ZFPM2: variants seen among roughly 807,000 people sequenced by gnomAD.
ZFPM2 encodes the protein zinc finger protein, FOG family member 2.
In ZFPM2, 20 loss-of-function variants were observed where a neutral mutation model predicts 98.6. The ratio of observed to expected loss-of-function variants is 0.20; its 90% CI spans 0.14 to 0.29. The LOEUF (loss-of-function observed/expected upper bound fraction) is 0.29, where lower values mean the gene tolerates loss of function less well. Among genes scored for constraint, ZFPM2 ranks in the 10% least tolerant of loss-of-function variants. The pLI, the probability that ZFPM2 is intolerant of heterozygous loss-of-function variation, is 1.00. For missense variants in ZFPM2, 1,310 were observed against 1,388.6 expected, an observed-to-expected ratio of 0.94 and a Z score of 0.90; for synonymous variants, 518 against 502.7, an observed-to-expected ratio of 1.03 and a Z score of -0.41.
chr8:105,673,779 C>T (rs1251850258), intron 5 of ZFPM2, among the ~76,000 whole-genome samples: 1 of 152,116 alleles, frequency 6.6e-6, no homozygotes, highest in African/African-American at 2.4e-5. Flanking sequence ...CTTTCTGAGC[C>T]TTATTCTATT....
chr8:105,784,625 A>G (rs1420012341), intron 5 of ZFPM2, among the ~76,000 whole-genome samples: 1 of 145,784 alleles, frequency 6.9e-6, no homozygotes, highest in African/African-American at 2.8e-5. Context: ...AAGCTTTCAC[A>G]TATATTAGCT....
chr8:105,419,059 T>C (rs758431105), intron 1 of ZFPM2, 85 bp from the exon 2 acceptor site: 4 of 1,343,208 alleles, frequency 3.0e-6, no homozygotes, highest in Non-Finnish European at 4.1e-6. Context: ...CTCACCACTG[T>C]AACAAAAAAA....
At chr8:105,410,182 A>C (rs2130031284) in intron 1 of ZFPM2, among the ~76,000 whole-genome samples, 1 of 152,010 alleles carries the variant, frequency 6.6e-6, no homozygotes, top group East Asian at 1.9e-4. Flanking sequence ...CTAAAACCCG[A>C]TGCTAAATTT....
At chr8:105,490,601 T>C (rs1409769476) in intron 3 of ZFPM2, among the ~76,000 whole-genome samples, 1 of 152,336 alleles carries the variant, frequency 6.6e-6, no homozygotes, top group South Asian at 2.1e-4. Flanking sequence ...ACAAGTGATA[T>C]TGAGCTAATT....
At chr8:105,423,304 A>G (rs954031649) in intron 2 of ZFPM2, among the ~76,000 whole-genome samples, 4 of 152,118 alleles carry the variant, frequency 2.6e-5, no homozygotes, top group African/African-American at 9.7e-5. Flanking sequence ...GGCATTTCCT[A>G]TGTCTCTTTT....
At chr8:105,455,198 G>T (rs866706662) in intron 3 of ZFPM2, among the ~76,000 whole-genome samples, 5 of 152,092 alleles carry the variant, frequency 3.3e-5, no homozygotes, top group South Asian at 2.1e-4. Context: ...AATATTTCCA[G>T]TTCCAAGCAT....
chr8:105,349,016 AGTTCCAAAGAACT>A (rs1812592729), intron 1 of ZFPM2, among the ~76,000 whole-genome samples: 2 of 152,162 alleles, frequency 1.3e-5, no homozygotes, highest in Admixed American at 1.3e-4. Context: ...TATCTTCTTC[AGTTCCAAAGAACT>A]GTTGTGGGGT....
At chr8:105,670,874 A>G (rs559056796) in intron 5 of ZFPM2, among the ~76,000 whole-genome samples, 2 of 152,314 alleles carry the variant, frequency 1.3e-5, no homozygotes, top group East Asian at 3.9e-4. Context: ...ATTTCAGTTG[A>G]TAAACTCAGT....
At chr8:105,493,295 G>T (rs1256900894) in intron 3 of ZFPM2, among the ~76,000 whole-genome samples, 1 of 152,172 alleles carries the variant, frequency 6.6e-6, no homozygotes, top group East Asian at 1.9e-4. Context: ...AAAGAAAAAT[G>T]ATTCTTGGAG....
chr8:105,691,452 G>A (rs1319434471), intron 5 of ZFPM2, among the ~76,000 whole-genome samples: 1 of 124,420 alleles, frequency 8.0e-6, no homozygotes, highest in Non-Finnish European at 1.7e-5. Flanking sequence ...GTTTCACCTT[G>A]TTAGCCAGGA....
chr8:105,428,840 A>T (rs1043039975), intron 2 of ZFPM2, among the ~76,000 whole-genome samples: 1 of 152,190 alleles, frequency 6.6e-6, no homozygotes, highest in Non-Finnish European at 1.5e-5. Context: ...TAAGAGTGGA[A>T]GTGAGATAAA....
At chr8:105,688,862 C>G (rs1199440464) in intron 5 of ZFPM2, among the ~76,000 whole-genome samples, 2 of 152,104 alleles carry the variant, frequency 1.3e-5, no homozygotes, top group Non-Finnish European at 1.5e-5. Context: ...ATAAATTACT[C>G]AGAAATATTG....
chr8:105,745,110 G>A (rs915910841), intron 5 of ZFPM2, among the ~76,000 whole-genome samples: 2 of 152,082 alleles, frequency 1.3e-5, no homozygotes, highest in Admixed American at 6.6e-5. Context: ...CTTTTAATGT[G>A]TCTTTATACC....
intron 1 of ZFPM2, among the ~76,000 whole-genome samples, chr8:105,390,223 T>C (rs1232491472): frequency 6.6e-6 from 1 of 152,208 alleles, no homozygotes; most frequent in African/African-American, 2.4e-5. Flanking sequence ...CACTTCTGAC[T>C]AACAGGCTAC....
At chr8:105,451,863 T>A (rs1812491243) in intron 3 of ZFPM2, 1 of 152,194 alleles carries the variant, frequency 6.6e-6, no homozygotes, top group African/African-American at 2.4e-5. Context: ...GCATACTTTT[T>A]ACTATAATTT....
chr8:105,802,458 A>G lies in ZFPM2; in HGVS notation c.2376A>G (p.Pro792=). ...ACCACCCAAGATGTGATATCTTTCC[A>G]GGAATTGTCTCTAAACACTTGGAAA... is the stretch of plus-strand genomic sequence containing the variant. ...ECYHPRCDIF[P]GIVSKHLETS... Residue 792 remains proline (P), a synonymous_variant, in exon 8 of 8, where the codon CCA becomes CCG. Transcript: ENST00000407775. The G allele has an allele frequency of 1.2e-6, 2 of 1,613,684 alleles. No individual in the cohort carries two copies. Among genetic ancestry groups the G allele is most frequent in the Admixed American group, 1.7e-5 (1 of 59,954 alleles).
At chr8:105,356,293 G>A (rs1808453598) in intron 1 of ZFPM2, among the ~76,000 whole-genome samples, 1 of 152,204 alleles carries the variant, frequency 6.6e-6, no homozygotes, top group African/African-American at 2.4e-5. Flanking sequence ...TATTTGTGGT[G>A]CTTGGGGAAG....
intron 3 of ZFPM2, among the ~76,000 whole-genome samples, chr8:105,532,037 A>T (rs1458623772): frequency 6.6e-6 from 1 of 151,910 alleles, no homozygotes; most frequent in East Asian, 1.9e-4. Flanking sequence ...AGTAGCTGGG[A>T]CTACAGGTGC....
chr8:105,405,266 T>G (rs1811422459), intron 1 of ZFPM2, among the ~76,000 whole-genome samples: 1 of 151,984 alleles, frequency 6.6e-6, no homozygotes, highest in South Asian at 2.1e-4. Context: ...ACTCTTTCTT[T>G]TTTTGATTTT....
Sources: allele counts gnomAD v4.1 joint callset (sites outside exome capture counted in the v4.1 genomes callset), GRCh38; gene constraint gnomAD v4.1.1; transcripts MANE v1.5; gene names NCBI Gene and HGNC (gene_info 2026-07-23, HGNC 2026-07-21).